Variants in MIER2 observed in about 807,000 individuals in gnomAD.
The protein encoded by MIER2 is mesoderm induction early response protein 2.
A neutral mutation model predicts 67.6 loss-of-function variants in MIER2; 30 were observed. The observed-to-expected ratio is 0.44, with a 90% CI of 0.33 to 0.60. The LOEUF is 0.60. MIER2 is among the 20% of genes least tolerant of loss of function. The pLI, the probability that MIER2 is intolerant of heterozygous loss-of-function variation, is 0.02. For synonymous variants in MIER2, 372 were observed against 312.6 expected (o/e 1.19, Z -2.00); for missense variants, 702 against 745.1 (o/e 0.94, Z 0.67).
At chr19:307,738 C>T (rs1182921269) in intron 12 of MIER2, among the ~76,000 whole-genome samples, 1 of 134,384 alleles carries the variant, frequency 7.4e-6, no homozygotes, top group Non-Finnish European at 1.6e-5. Context: ...GATTTTAGTT[C>T]ATCAGACCAA....
At chr19:338,700 G>A (rs187685878) in intron 1 of MIER2, among the ~76,000 whole-genome samples, 1 of 152,254 alleles carries the variant, frequency 6.6e-6, no homozygotes, top group African/African-American at 2.4e-5. Flanking sequence ...ACTGCCATAA[G>A]GACAGCACAA....
chr19:309,054 A>C, intron 10 of MIER2, 129 bp from the exon 11 acceptor site: 2 of 1,319,702 alleles, frequency 1.5e-6, no homozygotes, highest in Non-Finnish European at 1.0e-6. Context: ...CTCTCAGATA[A>C]CGCAAGACCC....
intron 1 of MIER2, among the ~76,000 whole-genome samples, chr19:341,708 C>T (rs942530556): frequency 3.3e-5 from 5 of 152,118 alleles, no homozygotes; most frequent in Non-Finnish European, 7.4e-5. Context: ...TCTGTTTTGT[C>T]AAAGTGGAAG....
rs539460026 is a variant in MIER2, at chr19:308,925, C to T, written c.985G>A (p.Val329Met). The change falls in exon 11 of 14, where the codon GTG becomes ATG. Residue 329 changes from valine to methionine, a missense_variant and splice_region_variant. Coordinates refer to ENST00000264819, the MANE Select transcript of MIER2 (RefSeq NM_017550.3). The surrounding 1 kb of genome is among the most constrained non-coding windows in gnomAD (Gnocchi z 9.1). ...CACTCGCCCACTGACCGTGTGCGCACCTGCGGGGAGGGGTCAGGAGCCATC... is the reference window on the plus strand; with the variant it reads ...CACTCGCCCACTGACCGTGTGCGCATCTGCGGGGAGGGGTCAGGAGCCATC... ...KNFHLIQANK[V>M]RTRSVGECVE... 2 of 1,600,390 alleles carry T rather than the reference C, an allele frequency of 1.2e-6. No individual in the cohort carries two copies. Among genetic ancestry groups the T allele is most frequent in the Admixed American group, 1.7e-5 (1 of 59,688 alleles).
At chr19:310,716 G>GCCCAGAGTCCAGA (rs1434515352) in intron 10 of MIER2, among the ~76,000 whole-genome samples, 1 of 92,662 alleles carries the variant, frequency 1.1e-5, no homozygotes, top group Non-Finnish European at 2.0e-5. Flanking sequence ...GGAGCTATAG[G>GCCCAGAGTCCAGA]AACATGGCCC....
At chr19:319,994 C>T (rs115956107) in intron 7 of MIER2, among the ~76,000 whole-genome samples, 5 of 152,134 alleles carry the variant, frequency 3.3e-5, no homozygotes, top group African/African-American at 9.7e-5. Flanking sequence ...GTGCTCACAG[C>T]GAGCATGTAA....
intron 1 of MIER2, 125 bp downstream of exon 1, chr19:344,649 G>T: frequency 1.7e-6 from 1 of 604,154 alleles, no homozygotes; most frequent in Non-Finnish European, 2.1e-6. Flanking sequence ...CAGGCGCCCC[G>T]GCCGGCCTCA....
At chr19:310,017 G>T (rs1441520832) in intron 10 of MIER2, among the ~76,000 whole-genome samples, 3 of 144,774 alleles carry the variant, frequency 2.1e-5, no homozygotes, top group Admixed American at 1.4e-4. Context: ...CGCACACAAG[G>T]CTTCAGGGAG....
intron 3 of MIER2, 94 bp downstream of exon 3, chr19:334,306 C>G: frequency 6.5e-7 from 1 of 1,547,906 alleles, no homozygotes. Flanking sequence ...CAATTTAGCA[C>G]TTACCAATGT....
chr19:306,293 A>T lies in MIER2; in HGVS notation c.*397T>A. ...CCGGCGGAGGCTGCTGGTGCGGGGC[A>T]GGGCGTCCTGCCCGTCTCCCCGCCG... On this transcript the variant is annotated 3_prime_UTR_variant, in exon 14 of 14. Transcript: ENST00000264819. 3.9e-6 allele frequency: 1 copy of T among 254,172 alleles called. No homozygotes were observed. The highest frequency in any genetic ancestry group is 9.5e-5 in the East Asian group (1 of 10,524). The allele number at this position is 254,172 out of a possible 1,614,324, so 15.7% of individuals were successfully genotyped here.
chr19:341,791 C>G (rs1972516029), intron 1 of MIER2, among the ~76,000 whole-genome samples: 1 of 152,156 alleles, frequency 6.6e-6, no homozygotes, highest in Non-Finnish European at 1.5e-5. Flanking sequence ...AAACAGCATT[C>G]TAGAAACAAG....
rs183101304 is a variant in MIER2, at chr19:316,559, G to A, written c.656-2916C>T. Reference sequence around the variant, plus strand: ...CCTGCCTCGGCCTCCCAAAGTGCTCGGATTATAGGCATGAGCCACCACAGC... The same window carrying A: ...CCTGCCTCGGCCTCCCAAAGTGCTCAGATTATAGGCATGAGCCACCACAGC... On this transcript the variant is annotated intron_variant, in intron 7 of 13. Coordinates refer to ENST00000264819, the MANE Select transcript of MIER2 (RefSeq NM_017550.3). Among the ~76,000 whole-genome samples, 455 of 152,240 alleles carry A rather than the reference G, an allele frequency of 3.0e-3. 2 individuals carry two copies. The highest frequency in any genetic ancestry group is 3.4e-3 in the Non-Finnish European group (231 of 68,026).
intron 1 of MIER2, among the ~76,000 whole-genome samples, chr19:339,734 G>A (rs918262647): frequency 6.6e-6 from 1 of 151,410 alleles, no homozygotes; most frequent in Non-Finnish European, 1.5e-5. Context: ...CGTGTCGTAT[G>A]ACTCATTTAA....
At chr19:344,441 G>A (rs1053043267) in intron 1 of MIER2, 1 of 942,442 alleles carries the variant, frequency 1.1e-6, no homozygotes, top group Non-Finnish European at 1.3e-6. Flanking sequence ...ACCCTGGAAC[G>A]GAGCCGCGCG....
chr19:328,007 AC>A lies in MIER2; in HGVS notation c.244-19del. 6.2e-7 allele frequency: 1 copy of A among 1,612,192 alleles called. No homozygotes were observed. Among genetic ancestry groups the A allele is most frequent in the Non-Finnish European group, 8.5e-7 (1 of 1,179,208 alleles). On this transcript the variant is annotated intron_variant, in intron 3 of 13. Coordinates refer to ENST00000264819, the MANE Select transcript of MIER2 (RefSeq NM_017550.3). The stretch of plus-strand genomic sequence containing the variant: ...TCGTTGCTCTGAGTTGGGGAAGGGA[AC>A]AAGGCCCCATCAGGAGGGACGGCTC...
At chr19:317,355 G>A (rs558040636) in intron 7 of MIER2, among the ~76,000 whole-genome samples, 15 of 151,796 alleles carry the variant, frequency 9.9e-5, no homozygotes, top group East Asian at 7.7e-4. Context: ...GTGAAACCTC[G>A]TCTCTACTAA....
At chr19:317,818 T>C (rs1422957587) in intron 7 of MIER2, among the ~76,000 whole-genome samples, 2 of 151,366 alleles carry the variant, frequency 1.3e-5, no homozygotes, top group Non-Finnish European at 2.9e-5. Flanking sequence ...CATTACACAA[T>C]TGTTTTATAA....
chr19:308,803 G>C lies in MIER2; in HGVS notation c.1107C>G (p.Thr369=), dbSNP rs745533591. 1.9e-6 allele frequency: 3 copies of C among 1,601,312 alleles called. No homozygotes were observed. The highest frequency in any genetic ancestry group is 2.6e-6 in the Non-Finnish European group (3 of 1,170,198). The change falls in exon 11 of 14, where the codon ACC becomes ACG. Residue 369 remains threonine, a splice_region_variant and synonymous_variant. Transcript: ENST00000264819. This position sits in a 1 kb window ranked among gnomAD's most constrained non-coding sequence, Gnocchi z 9.1. ...CTGCTGGGGAGGGCTGCACGCACGT[G>C]GTTCCGGACGGGACGTACTTCCTCC... The part of the protein sequence containing the change: ...LGRRKYVPSG[T]TDADQDLDGS...
At chr19:323,243 C>T (rs1266095161) in intron 7 of MIER2, among the ~76,000 whole-genome samples, 2 of 125,132 alleles carry the variant, frequency 1.6e-5, no homozygotes, top group African/African-American at 5.9e-5. Context: ...ATACAGTCGT[C>T]ATCATAATGC....
Sources: gnomAD v4.1 joint callset for allele counts (sites outside exome capture counted in the v4.1 genomes callset) on GRCh38, gnomAD v4.1.1 for gene constraint, Gnocchi (gnomAD v3.1) non-coding constraint, MANE v1.5 for transcripts, NCBI Gene and HGNC (gene_info 2026-07-23, HGNC 2026-07-21) for gene names.